Variants in ZNF541 observed in about 807,000 individuals in gnomAD.
ZNF541 encodes zinc finger protein 541.
Under a neutral mutation model 123.5 loss-of-function variants are expected in ZNF541, and 23 were observed. The observed-to-expected ratio is 0.19, with a 90% CI of 0.13 to 0.26. The LOEUF is 0.26. ZNF541 is among the 10% of genes least tolerant of loss of function. The pLI, the probability that ZNF541 is intolerant of heterozygous loss-of-function variation, is 1.00. For synonymous variants in ZNF541, 751 were observed against 754.5 expected, an observed-to-expected ratio of 1.00 and a Z score of 0.08; for missense variants, 1,612 against 1,789.9, an observed-to-expected ratio of 0.90 and a Z score of 1.79.
Position 47,544,161 on chromosome 19 carries a change from A to C in ZNF541, c.2368T>G (p.Ser790Ala). Residue 790 changes from serine to alanine, a missense_variant, in exon 5 of 17, where the codon TCC becomes GCC. Physicochemically the swap from Ser to Ala is moderately conservative, Grantham distance 99. Around this residue, in one of 5 missense-constraint regions of ZNF541, gnomAD observed 1,080 missense variants for 1,013.8 expected, o/e 1.07. Transcript: ENST00000391901. ...FSSAGPPADP[S>A]KSKLTIFSRI... ...CTGAATATTGTCAGCTTGGACTTGGAGGGATCTGCCGGGGGCCCGGCCGAT... is the reference window on the plus strand; with the variant it reads ...CTGAATATTGTCAGCTTGGACTTGGCGGGATCTGCCGGGGGCCCGGCCGAT... The C allele has an allele frequency of 6.4e-7, 1 of 1,551,572 alleles. No individual in the cohort carries two copies. Among genetic ancestry groups the C allele is most frequent in the Non-Finnish European group, 8.7e-7 (1 of 1,146,884 alleles).
At chr19:47,556,708 T>G (rs1386553911) in intron 2 of ZNF541, among the ~76,000 whole-genome samples, 2 of 152,062 alleles carry the variant, frequency 1.3e-5, no homozygotes, top group East Asian at 3.9e-4. Context: ...AAAAGTCAAT[T>G]TAATACGTTT....
intron 3 of ZNF541, among the ~76,000 whole-genome samples, chr19:47,555,342 C>G (rs958025431): frequency 1.1e-4 from 17 of 150,330 alleles, no homozygotes; most frequent in African/African-American, 3.7e-4. Flanking sequence ...TGCACTCCAG[C>G]CTGGGCAACA....
intron 9 of ZNF541, among the ~76,000 whole-genome samples, chr19:47,537,059 G>T (rs554930669): frequency 1.3e-5 from 2 of 152,298 alleles, no homozygotes; most frequent in East Asian, 3.9e-4. Context: ...AGATGAGTGG[G>T]TGCCCAGGCT....
At chr19:47,567,115 G>C (rs973363120) in intron 2 of ZNF541, among the ~76,000 whole-genome samples, 8 of 151,936 alleles carry the variant, frequency 5.3e-5, no homozygotes, top group African/African-American at 1.9e-4. Context: ...TAGAGCACTA[G>C]AGCATCACTA....
Position 47,529,429 on chromosome 19 carries a change from G to A in ZNF541, c.3481+148C>T, listed in dbSNP as rs1969459695. 1.3e-5 allele frequency: 10 copies of A among 753,628 alleles called. No individual in the cohort carries two copies. In the South Asian group the frequency reaches 1.8e-4, roughly 14 times the overall value. 46.7% of individuals were successfully genotyped at this position (753,628 alleles called of 1,614,324 possible). ...ACTAGCAGAATGTGGCGCCCACTGA[G>A]TCATCCCGACAAGGACAGGCCCTCC... is the stretch of plus-strand genomic sequence containing the variant. On this transcript the variant is annotated intron_variant, in intron 13 of 16. Transcript: ENST00000391901.
chr19:47,532,116 A>AGCCTC lies in ZNF541; in HGVS notation c.3301+7_3301+11dup, dbSNP rs1444964540. On this transcript the variant is annotated intron_variant, in intron 11 of 16. Transcript: ENST00000391901. ...AGGGCCCTTAGGAATTTAGCCCCAA[A>AGCCTC]GCCTCAGCCACCTCTATCCTGTGTC... is the stretch of plus-strand genomic sequence containing the variant. The AGCCTC allele has an allele frequency of 1.3e-6, 2 of 1,550,804 alleles. No individual in the cohort carries two copies. The highest frequency in any genetic ancestry group is 1.7e-6 in the Non-Finnish European group (2 of 1,146,558).
At chr19:47,535,501 A>G (rs71363742) in intron 9 of ZNF541, among the ~76,000 whole-genome samples, 1 of 152,220 alleles carries the variant, frequency 6.6e-6, no homozygotes, top group Non-Finnish European at 1.5e-5. Flanking sequence ...CTGCTACTGG[A>G]AATTTAAAGT....
intron 2 of ZNF541, among the ~76,000 whole-genome samples, chr19:47,568,758 C>G (rs981616477): frequency 1.6e-4 from 24 of 152,078 alleles, no homozygotes; most frequent in Non-Finnish European, 2.8e-4. Context: ...TTGCAACCTC[C>G]GCCTCCTGGG....
intron 8 of ZNF541, among the ~76,000 whole-genome samples, chr19:47,539,349 G>C (rs1344566757): frequency 2.8e-5 from 4 of 144,170 alleles, no homozygotes; most frequent in African/African-American, 7.8e-5. Context: ...ACCCAGGCTA[G>C]AGTGCAGTGT....
At chr19:47,522,114 G>A in intron 14 of ZNF541, 120 bp from the exon 15 acceptor site, 1 of 1,327,994 alleles carries the variant, frequency 7.5e-7, no homozygotes. Flanking sequence ...CCTTTGGCTT[G>A]GCGTTACCAC....
chr19:47,538,224 C>T lies in ZNF541; in HGVS notation c.3012G>A (p.Arg1004=). The change falls in exon 9 of 17, where the codon CGG becomes CGA. Residue 1004 remains arginine (R), a synonymous_variant. Coordinates refer to ENST00000391901, the MANE Select transcript of ZNF541 (RefSeq NM_001277075.3). ...TGTTGAAGTACACCCCAGAGCCCTC[C>T]CGGATGGGGCTGAGCATTGGGGGTG... ...YTPPPMLSPI[R]EGSGVYFNTL... is the part of the protein sequence containing the mutation. The T allele has an allele frequency of 6.4e-7, 1 of 1,551,600 alleles. No individual in the cohort carries two copies. Among genetic ancestry groups the T allele is most frequent in the South Asian group, 1.2e-5 (1 of 84,060 alleles).
chr19:47,567,031 A>T (rs1308499535), intron 2 of ZNF541, among the ~76,000 whole-genome samples: 3 of 151,996 alleles, frequency 2.0e-5, no homozygotes, highest in Non-Finnish European at 4.4e-5. Context: ...AGCCTGGGCC[A>T]CAGAGCGAGA....
chr19:47,547,227 C>T (rs978710760), intron 4 of ZNF541, among the ~76,000 whole-genome samples: 17 of 152,024 alleles, frequency 1.1e-4, no homozygotes, highest in African/African-American at 3.9e-4. Flanking sequence ...TGTGCCTTAC[C>T]GTAGGAGACC....
Position 47,544,404 on chromosome 19 carries a change from G to A in ZNF541, c.2125C>T (p.Pro709Ser), listed in dbSNP as rs1970219164. 6.4e-7 allele frequency: 1 copy of A among 1,551,604 alleles called. No individual in the cohort carries two copies. ...RQTQLGGEEP[P>S]GASLPGKQAP... ...TGCTTCCCTGGCAGCGAGGCTCCTG[G>A]TGGCTCCTCCCCACCTAACTGGGTC... The change falls in exon 5 of 17, where the codon CCA becomes TCA. Residue 709 changes from proline (P) to serine (S), a missense_variant. Pro to Ser is a moderately conservative substitution (Grantham distance 74). Around this residue, in one of 5 missense-constraint regions of ZNF541, gnomAD observed 1,080 missense variants for 1,013.8 expected, o/e 1.07. Transcript: ENST00000391901.
At chr19:47,532,080 G>A in intron 11 of ZNF541, 48 bp downstream of exon 11, 1 of 1,543,732 alleles carries the variant, frequency 6.5e-7, no homozygotes, top group Non-Finnish European at 8.8e-7. Context: ...CCTGGAAATG[G>A]AGGGGGAAGA....
chr19:47,527,235 C>T (rs1414930584), intron 14 of ZNF541, among the ~76,000 whole-genome samples: 1 of 152,136 alleles, frequency 6.6e-6, no homozygotes, highest in Non-Finnish European at 1.5e-5. Context: ...GGGACATGCT[C>T]ATTATCTTGA....
intron 9 of ZNF541, among the ~76,000 whole-genome samples, chr19:47,534,670 C>T (rs569101050): frequency 8.7e-4 from 132 of 151,706 alleles, no homozygotes; most frequent in African/African-American, 3.1e-3. Context: ...CAAACCACCC[C>T]CCCAAAACAA....
intron 12 of ZNF541, among the ~76,000 whole-genome samples, chr19:47,530,942 C>T (rs748584730): frequency 2.0e-4 from 31 of 152,134 alleles, no homozygotes; most frequent in Non-Finnish European, 3.8e-4. Flanking sequence ...TGAGCCACCG[C>T]GCCTGGCCAA....
chr19:47,563,848 C>T (rs1971160023), intron 2 of ZNF541, among the ~76,000 whole-genome samples: 1 of 152,068 alleles, frequency 6.6e-6, no homozygotes, highest in Non-Finnish European at 1.5e-5. Context: ...TCAGGTGATC[C>T]ACCCGCCTCG....
Sources: allele counts gnomAD v4.1 joint callset (sites outside exome capture counted in the v4.1 genomes callset), GRCh38; gene constraint gnomAD v4.1.1; regional missense constraint gnomAD v4.1.1; transcripts MANE v1.5; gene names NCBI Gene and HGNC (gene_info 2026-07-23, HGNC 2026-07-21).